Variants in KHDRBS2 observed in about 807,000 individuals in gnomAD.
The protein encoded by KHDRBS2 is KH domain-containing, RNA-binding, signal transduction-associated protein 2.
Under a neutral mutation model 44.3 loss-of-function variants are expected in KHDRBS2, and 26 were observed. The ratio of observed to expected loss-of-function variants is 0.59; its 90% CI spans 0.43 to 0.81. The LOEUF is 0.81. Ranked by LOEUF, KHDRBS2 falls within the 40% of genes least tolerant of loss-of-function variation. KHDRBS2 has a pLI of 0.00. For missense variants in KHDRBS2, 476 were observed against 433.1 expected, an observed-to-expected ratio of 1.10 and a Z score of -0.88; for synonymous variants, 194 against 151.1, an observed-to-expected ratio of 1.28 and a Z score of -2.08.
At chr6:62,094,878 T>A (rs1800238565) in intron 2 of KHDRBS2, among the ~76,000 whole-genome samples, 1 of 151,928 alleles carries the variant, frequency 6.6e-6, no homozygotes, top group Non-Finnish European at 1.5e-5. Context: ...TGTAGATGTG[T>A]GGGTTAATTT....
At chr6:62,022,238 A>C (rs1287604621) in intron 3 of KHDRBS2, among the ~76,000 whole-genome samples, 1 of 151,740 alleles carries the variant, frequency 6.6e-6, no homozygotes, top group Admixed American at 6.6e-5. Flanking sequence ...TTAAATAAAG[A>C]AGTAAAAATG....
intron 4 of KHDRBS2, among the ~76,000 whole-genome samples, chr6:61,901,771 A>T (rs1035232438): frequency 9.2e-5 from 14 of 152,176 alleles, no homozygotes; most frequent in Admixed American, 1.3e-4. Flanking sequence ...GGATGACTAC[A>T]TGATATTCAA....
chr6:62,169,140 T>TATGTGTGTATATATACATATACACAC (rs1819384421), intron 2 of KHDRBS2, among the ~76,000 whole-genome samples: 1 of 109,678 alleles, frequency 9.1e-6, no homozygotes, highest in Non-Finnish European at 1.9e-5. Flanking sequence ...TATACACACA[T>TATGTGTGTATATATACATATACACAC]ATATGTGTGT....
intron 3 of KHDRBS2, among the ~76,000 whole-genome samples, chr6:61,983,474 T>G (rs1290650623): frequency 4.6e-5 from 7 of 151,942 alleles, no homozygotes. Flanking sequence ...TTAAGATAAG[T>G]AACAAAGGTC....
intron 1 of KHDRBS2, among the ~76,000 whole-genome samples, chr6:62,186,758 T>G (rs1472890558): frequency 6.6e-6 from 1 of 152,090 alleles, no homozygotes; most frequent in Non-Finnish European, 1.5e-5. Context: ...GTTAAAGATT[T>G]ATTTATTTTT....
rs1427585615 is a variant in KHDRBS2, at chr6:61,686,206, TG to T, written c.953-5147del. On this transcript the variant is annotated intron_variant, in intron 8 of 8. Coordinates refer to ENST00000281156, the MANE Select transcript of KHDRBS2 (RefSeq NM_152688.4). ...CCCACAGCAAAACGAAGGAAGCTCA[TG>T]CGATTTTTGGTACACTGTAAATCAA... Among the ~76,000 whole-genome samples the T allele has an allele frequency of 1.3e-4, 20 of 151,768 alleles. No individual in the cohort carries two copies. The Admixed American group carries it at 1.3e-3, about 10-fold the overall frequency.
At chr6:61,848,583 A>ATG (rs1554237027) in intron 6 of KHDRBS2, among the ~76,000 whole-genome samples, 13 of 104,384 alleles carry the variant, frequency 1.2e-4, no homozygotes, top group Admixed American at 5.4e-4. Context: ...ATACATATAT[A>ATG]TATATATATA....
chr6:61,953,029 C>T (rs1765097937), intron 4 of KHDRBS2, among the ~76,000 whole-genome samples: 1 of 151,840 alleles, frequency 6.6e-6, no homozygotes, highest in Admixed American at 6.6e-5. Flanking sequence ...ATTAATTATA[C>T]TTACTCAAAG....
chr6:61,562,565 C>T, the KHDRBS2 span, among the ~76,000 whole-genome samples: 1 of 152,084 alleles, frequency 6.6e-6, no homozygotes, highest in East Asian at 1.9e-4. Flanking sequence ...TATATAAATC[C>T]TTTAGGAAAC....
chr6:61,634,240 T>C, the KHDRBS2 span, among the ~76,000 whole-genome samples: 1 of 151,148 alleles, frequency 6.6e-6, no homozygotes, highest in South Asian at 2.1e-4. Flanking sequence ...CTAGAATGAC[T>C]TGTGTCCACA....
At chr6:61,741,259 G>A (rs1255582075) in intron 6 of KHDRBS2, among the ~76,000 whole-genome samples, 3 of 151,554 alleles carry the variant, frequency 2.0e-5, no homozygotes. Context: ...AAAATGGAAT[G>A]GTAAACAGAA....
chr6:62,103,598 CA>C (rs1288147219), intron 2 of KHDRBS2, among the ~76,000 whole-genome samples: 1 of 140,620 alleles, frequency 7.1e-6, no homozygotes, highest in Non-Finnish European at 1.5e-5. Context: ...GGTCCAGAAC[CA>C]GGCAGAAGCA....
chr6:61,896,406 A>C (rs2127336428), intron 5 of KHDRBS2, among the ~76,000 whole-genome samples: 1 of 152,306 alleles, frequency 6.6e-6, no homozygotes, highest in Non-Finnish European at 1.5e-5. Flanking sequence ...CTAATGAGTA[A>C]AATGCAGATT....
At chr6:61,647,066 G>A in the KHDRBS2 span, among the ~76,000 whole-genome samples, 2 of 152,016 alleles carry the variant, frequency 1.3e-5, no homozygotes, top group Non-Finnish European at 2.9e-5. Flanking sequence ...TGATCCACCC[G>A]CCTCGGCCTC....
intron 6 of KHDRBS2, among the ~76,000 whole-genome samples, chr6:61,736,161 T>G (rs1054261797): frequency 6.6e-6 from 1 of 150,850 alleles, no homozygotes; most frequent in Non-Finnish European, 1.5e-5. Context: ...GTTGGCACAG[T>G]AAATTTACTT....
At chr6:62,027,588 T>G (rs1783599881) in intron 3 of KHDRBS2, among the ~76,000 whole-genome samples, 1 of 152,010 alleles carries the variant, frequency 6.6e-6, no homozygotes, top group Non-Finnish European at 1.5e-5. Flanking sequence ...GATTAGAGGG[T>G]TGGCTTTTCC....
chr6:62,016,072 T>C (rs1195926285), intron 3 of KHDRBS2, among the ~76,000 whole-genome samples: 3 of 152,128 alleles, frequency 2.0e-5, no homozygotes, highest in Non-Finnish European at 4.4e-5. Flanking sequence ...GAACACAAAT[T>C]ATGAAAACTA....
At chr6:61,618,541 C>T in the KHDRBS2 span, among the ~76,000 whole-genome samples, 5 of 152,006 alleles carry the variant, frequency 3.3e-5, no homozygotes, top group Admixed American at 6.6e-5. Context: ...CATGGGGGTT[C>T]GTTGTACAGA....
chr6:62,091,375 T>C (rs1397795674), intron 2 of KHDRBS2, among the ~76,000 whole-genome samples: 1 of 152,206 alleles, frequency 6.6e-6, no homozygotes, highest in Non-Finnish European at 1.5e-5. Flanking sequence ...AATTACTCTG[T>C]TGCTATTCAT....
Sources: gnomAD v4.1 joint callset for allele counts (sites outside exome capture counted in the v4.1 genomes callset) on GRCh38, gnomAD v4.1.1 for gene constraint, MANE v1.5 for transcripts, NCBI Gene and HGNC (gene_info 2026-07-23, HGNC 2026-07-21) for gene names.